ST8SIA4: variants seen among roughly 807,000 people sequenced by gnomAD.
The protein encoded by ST8SIA4 is ST8 alpha-N-acetyl-neuraminide alpha-2,8-sialyltransferase 4.
In ST8SIA4, 15 loss-of-function variants were observed where a neutral mutation model predicts 33.9. The ratio of observed to expected loss-of-function variants is 0.44; its 90% CI spans 0.30 to 0.68. The LOEUF (loss-of-function observed/expected upper bound fraction) is 0.68. ST8SIA4 is among the 30% of genes least tolerant of loss of function. ST8SIA4 has a pLI of 0.10. For synonymous variants in ST8SIA4, 171 were observed against 151.2 expected, an observed-to-expected ratio of 1.13 and a Z score of -0.96; for missense variants, 321 against 428.0, an observed-to-expected ratio of 0.75 and a Z score of 2.21.
intron 4 of ST8SIA4, among the ~76,000 whole-genome samples, chr5:100,847,462 C>A (rs556854451): frequency 1.3e-5 from 2 of 152,168 alleles, no homozygotes; most frequent in South Asian, 4.1e-4. Context: ...AGTTATCCTG[C>A]AGAAGGTCAT....
intron 4 of ST8SIA4, among the ~76,000 whole-genome samples, chr5:100,822,144 G>C (rs1334361325): frequency 6.6e-6 from 1 of 152,150 alleles, no homozygotes; most frequent in Non-Finnish European, 1.5e-5. Flanking sequence ...TTTTTCATTA[G>C]TCAAATATTA....
intron 3 of ST8SIA4, among the ~76,000 whole-genome samples, chr5:100,878,075 T>G (rs1342312623): frequency 1.3e-5 from 2 of 152,180 alleles, no homozygotes; most frequent in Non-Finnish European, 2.9e-5. Flanking sequence ...TTTTTCGGCT[T>G]GATGGTTTGA....
At chr5:100,827,453 C>T (rs1049479528) in intron 4 of ST8SIA4, among the ~76,000 whole-genome samples, 1 of 152,180 alleles carries the variant, frequency 6.6e-6, no homozygotes, top group African/African-American at 2.4e-5. Context: ...GTCACTTGCA[C>T]ACATCTGCAT....
chr5:100,832,825 G>A (rs572676349), intron 4 of ST8SIA4, among the ~76,000 whole-genome samples: 1 of 151,812 alleles, frequency 6.6e-6, no homozygotes, highest in East Asian at 1.9e-4. Flanking sequence ...TATTGCTTTT[G>A]CTCCTCTTTC....
intron 3 of ST8SIA4, among the ~76,000 whole-genome samples, chr5:100,883,897 T>G (rs766029760): frequency 6.6e-6 from 1 of 152,194 alleles, no homozygotes; most frequent in Non-Finnish European, 1.5e-5. Context: ...TACGCCCTTA[T>G]CAGCAGCATG....
intron 4 of ST8SIA4, among the ~76,000 whole-genome samples, chr5:100,831,825 T>A (rs1414497075): frequency 1.3e-5 from 2 of 152,136 alleles, no homozygotes; most frequent in East Asian, 3.8e-4. Flanking sequence ...TTTCTTTATC[T>A]AACTCGAACT....
At chr5:100,846,602 G>A (rs726971) in intron 4 of ST8SIA4, among the ~76,000 whole-genome samples, 35,283 of 151,790 alleles carry the variant, frequency 0.23, 5,148 homozygotes, top group Non-Finnish European at 0.32. Context: ...ATGCCCAATT[G>A]AAACTTAACC....
intron 3 of ST8SIA4, among the ~76,000 whole-genome samples, chr5:100,870,376 A>G (rs979566292): frequency 6.6e-6 from 1 of 152,160 alleles, no homozygotes; most frequent in Admixed American, 6.6e-5. Flanking sequence ...ATGTTGAATA[A>G]TCATTCAGAT....
chr5:100,873,519 G>A (rs934128288), intron 3 of ST8SIA4, among the ~76,000 whole-genome samples: 1 of 152,136 alleles, frequency 6.6e-6, no homozygotes. Flanking sequence ...GTATTTGATG[G>A]TTAAAGAATA....
rs1371582819 is a variant in ST8SIA4, at chr5:100,886,537, C to T, written c.309G>A (p.Lys103=). Residue 103 remains lysine, a synonymous_variant, in exon 3 of 5, where the codon AAG becomes AAA. Coordinates refer to ENST00000231461, the MANE Select transcript of ST8SIA4 (RefSeq NM_005668.6). ...GCACATAGTGTATGACATCACCAGG[C>T]TTAAAACTGCTCTTGACCACTGACA... ...RDVSVVKSSF[K]PGDVIHYVLD... 1.2e-6 allele frequency: 2 copies of T among 1,613,844 alleles called. No homozygotes were observed.
chr5:100,809,255 AG>A lies in ST8SIA4; in HGVS notation c.*2591del, dbSNP rs1750761958. 1 of 152,154 alleles carries A rather than the reference AG, an allele frequency of 6.6e-6. No homozygotes were observed. The highest frequency in any genetic ancestry group is 2.1e-4 in the South Asian group (1 of 4,822). 9.4% of individuals were successfully genotyped at this position (152,154 alleles called of 1,614,324 possible). ...ACCTGAGGTCAGGAAGTTCAAGACCAGCCTGGCCAACATGGTGAAACTTTGT... is the reference window on the plus strand; with the variant it reads ...ACCTGAGGTCAGGAAGTTCAAGACCACCTGGCCAACATGGTGAAACTTTGT... On this transcript the variant is annotated 3_prime_UTR_variant, in exon 5 of 5. Transcript: ENST00000231461.
intron 2 of ST8SIA4, chr5:100,890,693 G>A (rs1434249502): frequency 6.6e-6 from 1 of 151,806 alleles, no homozygotes; most frequent in Non-Finnish European, 1.5e-5. Flanking sequence ...GTCTTTAACT[G>A]TCATTTTGTG....
chr5:100,836,245 C>A (rs1180126481), intron 4 of ST8SIA4, among the ~76,000 whole-genome samples: 1 of 152,006 alleles, frequency 6.6e-6, no homozygotes, highest in Non-Finnish European at 1.5e-5. Context: ...AGTAGACACT[C>A]TTAATAATCT....
chr5:100,872,576 G>A (rs1435501152), intron 3 of ST8SIA4, among the ~76,000 whole-genome samples: 1 of 152,058 alleles, frequency 6.6e-6, no homozygotes, highest in Non-Finnish European at 1.5e-5. Flanking sequence ...CTGTTCTTGT[G>A]ATAGTGAGTG....
intron 4 of ST8SIA4, among the ~76,000 whole-genome samples, chr5:100,826,589 G>T (rs2112409826): frequency 6.6e-6 from 1 of 152,224 alleles, no homozygotes; most frequent in East Asian, 1.9e-4. Flanking sequence ...TTGGGGATAT[G>T]CAAGTTCTAA....
At chr5:100,821,447 G>A (rs1254405078) in intron 4 of ST8SIA4, among the ~76,000 whole-genome samples, 2 of 151,964 alleles carry the variant, frequency 1.3e-5, no homozygotes, top group African/African-American at 4.8e-5. Context: ...CCCAATAAAA[G>A]TTAATTTTAC....
At chr5:100,862,160 C>T (rs2112446677) in intron 3 of ST8SIA4, among the ~76,000 whole-genome samples, 1 of 152,138 alleles carries the variant, frequency 6.6e-6, no homozygotes, top group Non-Finnish European at 1.5e-5. Context: ...CTGATGGGGC[C>T]AGATTGCAAA....
chr5:100,817,003 C>T lies in ST8SIA4; in HGVS notation c.798-4874G>A, dbSNP rs542366828. Among the ~76,000 whole-genome samples the T allele has an allele frequency of 8.0e-5, 12 of 149,698 alleles. 1 individual carries two copies. The East Asian group carries it at 1.9e-3, about 24-fold the overall frequency. On this transcript the variant is annotated intron_variant, in intron 4 of 4. Transcript: ENST00000231461. ...TGTCACCCAGGCTGGAGTGCAATGG[C>T]GCAATCTTGGCTCACTGCAATCTCT...
At chr5:100,873,000 A>C (rs955635437) in intron 3 of ST8SIA4, among the ~76,000 whole-genome samples, 2 of 152,112 alleles carry the variant, frequency 1.3e-5, no homozygotes, top group Non-Finnish European at 2.9e-5. Context: ...AATCAAATGA[A>C]CATTCTGACT....
Sources: gnomAD v4.1 joint callset for allele counts (sites outside exome capture counted in the v4.1 genomes callset) on GRCh38, gnomAD v4.1.1 for gene constraint, MANE v1.5 for transcripts, NCBI Gene and HGNC (gene_info 2026-07-23, HGNC 2026-07-21) for gene names.